Variants in FAAH2 observed in about 807,000 individuals in gnomAD.
The protein encoded by FAAH2 is fatty acid amide hydrolase 2, also known as fatty-acid amide hydrolase 2.
Under a neutral mutation model 36.9 loss-of-function variants are expected in FAAH2, and 60 were observed. The observed-to-expected ratio is 1.63, with a 90% confidence interval of 1.32 to 2.02. The LOEUF is 2.02. Among genes scored for constraint, FAAH2 ranks in the 30% most tolerant of loss-of-function variants. FAAH2 has a pLI of 0.00. For missense variants in FAAH2, 689 were observed against 397.5 expected (o/e 1.73, Z -6.23); for synonymous variants, 214 against 143.8 (o/e 1.49, Z -3.49).
chrX:57,203,960 C>A, the FAAH2 span, among the ~76,000 whole-genome samples: 100 of 111,713 alleles, frequency 9.0e-4, no homozygotes, highest in African/African-American at 3.2e-3. Context: ...TGCCACTATA[C>A]TGCCATGTTT....
the FAAH2 span, among the ~76,000 whole-genome samples, chrX:57,150,384 T>A: frequency 2.7e-5 from 3 of 112,004 alleles, no homozygotes; most frequent in African/African-American, 9.8e-5. Context: ...ATTATTATTG[T>A]GTGGGATTCT....
At chrX:57,287,135 G>C in intron 1 of FAAH2, 118 bp downstream of exon 1, 1 of 725,023 alleles carries the variant, frequency 1.4e-6, no homozygotes, top group Non-Finnish European at 1.9e-6. Flanking sequence ...ACTTAGGAGA[G>C]GCATTTATTG....
At chrX:57,266,835 G>GT in the FAAH2 span, among the ~76,000 whole-genome samples, 1 of 112,567 alleles carries the variant, frequency 8.9e-6, no homozygotes, top group African/African-American at 3.2e-5. Context: ...AGGGGGTTTA[G>GT]TGCAAGAGCA....
intron 5 of FAAH2, among the ~76,000 whole-genome samples, chrX:57,341,779 TA>T (rs756356026): frequency 4.1e-4 from 46 of 111,541 alleles, no homozygotes; most frequent in Non-Finnish European, 9.4e-5. Context: ...TCCACTGTAC[TA>T]AAATGACTTA....
At chrX:57,214,871 C>G in the FAAH2 span, among the ~76,000 whole-genome samples, 2 of 110,782 alleles carry the variant, frequency 1.8e-5, no homozygotes, top group Non-Finnish European at 3.8e-5. Context: ...GAATTTTTTC[C>G]AGTCTTATCT....
chrX:57,228,385 G>A, the FAAH2 span, among the ~76,000 whole-genome samples: 1 of 111,326 alleles, frequency 9.0e-6, no homozygotes, highest in African/African-American at 3.3e-5. Flanking sequence ...TCCAGGTAAA[G>A]TTGGGAACTT....
At chrX:57,448,426 A>G (rs747667975) in intron 9 of FAAH2, 98 bp from the exon 10 acceptor site, 1 of 791,376 alleles carries the variant, frequency 1.3e-6, no homozygotes, top group African/African-American at 2.1e-5. Context: ...TCAGTGTTCT[A>G]TAATGAACAT....
chrX:57,387,346 C>A (rs754122183), intron 7 of FAAH2, among the ~76,000 whole-genome samples: 1 of 111,072 alleles, frequency 9.0e-6, no homozygotes, highest in African/African-American at 3.3e-5. Flanking sequence ...TGAGTATATT[C>A]TTGTAAAACT....
At chrX:57,485,692 A>T (rs1399988241) in intron 10 of FAAH2, among the ~76,000 whole-genome samples, 2 of 111,761 alleles carry the variant, frequency 1.8e-5, no homozygotes, top group African/African-American at 3.3e-5. Context: ...ACATTCCTTA[A>T]CTACTTCTGA....
At chrX:57,335,815 A>G (rs1018037337) in intron 4 of FAAH2, among the ~76,000 whole-genome samples, 2 of 111,750 alleles carry the variant, frequency 1.8e-5, no homozygotes, top group African/African-American at 6.5e-5. Flanking sequence ...AGGCAGAGGT[A>G]CCTGCGGCCT....
the FAAH2 span, among the ~76,000 whole-genome samples, chrX:57,252,505 C>T: frequency 8.9e-6 from 1 of 112,061 alleles, no homozygotes; most frequent in Non-Finnish European, 1.9e-5. Flanking sequence ...ACAGACACCT[C>T]ATACAGGACA....
At chrX:57,276,028 A>G in the FAAH2 span, among the ~76,000 whole-genome samples, 1 of 111,634 alleles carries the variant, frequency 9.0e-6, no homozygotes, top group Non-Finnish European at 1.9e-5. Flanking sequence ...ACAGAAGGTT[A>G]ACAAGAACAT....
the FAAH2 span, among the ~76,000 whole-genome samples, chrX:57,122,984 TTTTTA>T: frequency 8.9e-6 from 1 of 111,993 alleles, no homozygotes; most frequent in Non-Finnish European, 1.9e-5. Flanking sequence ...CAGTGAGGGC[TTTTTA>T]TTTTATTTTC....
At chrX:57,251,099 CA>C in the FAAH2 span, among the ~76,000 whole-genome samples, 1 of 111,539 alleles carries the variant, frequency 9.0e-6, no homozygotes, top group Non-Finnish European at 1.9e-5. Context: ...CAAAAATTCT[CA>C]ACAAAACGCT....
chrX:57,144,307 CT>C, the FAAH2 span, among the ~76,000 whole-genome samples: 7 of 109,588 alleles, frequency 6.4e-5, no homozygotes, highest in African/African-American at 2.3e-4. Context: ...TAGTTTGAGT[CT>C]TCTTGGTGTT....
Position 57,365,089 on chromosome X carries a change from T to G in FAAH2, c.743-13562T>G, listed in dbSNP as rs762997320. ...GTATAAAGATTTATTCCAGAATACC[T>G]TGGTTTGTTTTTTGCTTTGATTATC... On this transcript the variant is annotated intron_variant, in intron 5 of 10. Coordinates refer to ENST00000374900, the MANE Select transcript of FAAH2 (RefSeq NM_174912.4). Among the ~76,000 whole-genome samples, 14 of 111,428 alleles carry G rather than the reference T, an allele frequency of 1.3e-4. No individual in the cohort carries two copies. In the South Asian group the frequency reaches 1.9e-3, roughly 15 times the overall value.
At chrX:57,357,489 GA>G (rs1371010136) in intron 5 of FAAH2, among the ~76,000 whole-genome samples, 1 of 111,209 alleles carries the variant, frequency 9.0e-6, no homozygotes, top group East Asian at 2.8e-4. Flanking sequence ...AAATTTACAA[GA>G]AAAAAACAAA....
chrX:57,185,710 C>T, the FAAH2 span, among the ~76,000 whole-genome samples: 115 of 109,726 alleles, frequency 1.0e-3, no homozygotes, highest in African/African-American at 3.8e-3. Context: ...CCTCGCCTTT[C>T]CCCCCACCCC....
chrX:57,186,219 C>T, the FAAH2 span, among the ~76,000 whole-genome samples: 2 of 111,827 alleles, frequency 1.8e-5, no homozygotes, highest in Admixed American at 9.5e-5. Flanking sequence ...CCTCCACATC[C>T]TGCCGGCATC....
Sources: gnomAD v4.1 joint callset for allele counts (sites outside exome capture counted in the v4.1 genomes callset) on GRCh38, gnomAD v4.1.1 for gene constraint, MANE v1.5 for transcripts, NCBI Gene and HGNC (gene_info 2026-07-23, HGNC 2026-07-21) for gene names.